The following BCL2L11 variants were observed in gnomAD, a reference collection of about 807,000 sequenced individuals.
BCL2L11 encodes bcl-2-like protein 11.
A neutral mutation model predicts 20.6 loss-of-function variants in BCL2L11; 15 were observed. The observed-to-expected ratio is 0.73, with a 90% CI of 0.49 to 1.12. BCL2L11 has a LOEUF of 1.12. BCL2L11 is among the 50% of genes most tolerant of loss of function. BCL2L11 has a pLI of 0.00. For missense variants in BCL2L11, 292 were observed against 260.9 expected, an observed-to-expected ratio of 1.12 and a Z score of -0.82; for synonymous variants, 108 against 92.8, an observed-to-expected ratio of 1.16 and a Z score of -0.94.
chr2:111,141,745 C>G (rs1408737266), intron 2 of BCL2L11, among the ~76,000 whole-genome samples: 4 of 149,742 alleles, frequency 2.7e-5, no homozygotes, highest in African/African-American at 9.9e-5. Context: ...GTCACCCAGG[C>G]TGGAGTGCAA....
chr2:111,147,657 C>T (rs1039653744), intron 2 of BCL2L11, among the ~76,000 whole-genome samples: 1 of 152,084 alleles, frequency 6.6e-6, no homozygotes, highest in African/African-American at 2.4e-5. Context: ...AGAGACTGCC[C>T]CTTGATAGTA....
chr2:111,164,359 C>A lies in BCL2L11; in HGVS notation c.*128C>A. ...GTTCTCTTGTGGAGGGGGCAGGTGA[C>A]GTTTCAGAAGACACCGAGCTGGATG... On this transcript the variant is annotated 3_prime_UTR_variant, in exon 4 of 4. Transcript: ENST00000393256. The A allele has an allele frequency of 1.4e-6, 1 of 697,708 alleles. No homozygotes were observed. The allele number at this position is 697,708 out of a possible 1,614,324, so 43.2% of individuals were successfully genotyped here. A position where few individuals can be genotyped will look rare whatever the true frequency, so the allele number is the denominator to read the frequency against.
chr2:111,127,754 G>T lies in BCL2L11; in HGVS notation c.394+3615G>T, dbSNP rs772452538. On this transcript the variant is annotated intron_variant, in intron 2 of 3. Coordinates refer to ENST00000393256, the MANE Select transcript of BCL2L11 (RefSeq NM_138621.5). ...AGGTCTAGCTCAGCACTACTCAGCAGGGAAGCCACACATGCATTAAGCACT... is the reference window on the plus strand; with the variant it reads ...AGGTCTAGCTCAGCACTACTCAGCATGGAAGCCACACATGCATTAAGCACT... 2.1e-3 allele frequency among the ~76,000 whole-genome samples: 326 copies of T among 152,230 alleles called. 4 individuals carry two copies. Among genetic ancestry groups the T allele is most frequent in the Non-Finnish European group, 1.5e-3 (100 of 68,026 alleles).
chr2:111,133,838 T>C (rs968320697), intron 2 of BCL2L11, among the ~76,000 whole-genome samples: 2 of 152,224 alleles, frequency 1.3e-5, no homozygotes, highest in Non-Finnish European at 2.9e-5. Flanking sequence ...AATCCCCAGC[T>C]GTTTCCTTTC....
intron 3 of BCL2L11, 176 bp downstream of exon 3, chr2:111,150,323 A>G (rs979952183): frequency 5.6e-5 from 74 of 1,313,306 alleles, no homozygotes; most frequent in Non-Finnish European, 7.3e-5. Context: ...TTTATGACTA[A>G]GTAATGGCAC....
intron 3 of BCL2L11, among the ~76,000 whole-genome samples, chr2:111,156,122 C>G (rs532362566): frequency 2.5e-4 from 38 of 151,260 alleles, no homozygotes; most frequent in Non-Finnish European, 4.4e-4. Flanking sequence ...TAAAGTTTAG[C>G]CTGCTTGGTA....
At chr2:111,138,345 C>T (rs572111786) in intron 2 of BCL2L11, among the ~76,000 whole-genome samples, 1 of 152,188 alleles carries the variant, frequency 6.6e-6, no homozygotes, top group Non-Finnish European at 1.5e-5. Context: ...TGTGTATGTA[C>T]ACAATTGTCA....
chr2:111,135,830 AGCTCACT>A (rs1175327485), intron 2 of BCL2L11, among the ~76,000 whole-genome samples: 7 of 152,148 alleles, frequency 4.6e-5, no homozygotes, highest in East Asian at 1.9e-4. Context: ...GTGGAGGCTT[AGCTCACT>A]GCTCACTGCT....
Position 111,164,788 on chromosome 2 carries a change from T to C in BCL2L11, c.*557T>C, listed in dbSNP as rs2078948071. On this transcript the variant is annotated 3_prime_UTR_variant, in exon 4 of 4. Coordinates refer to ENST00000393256, the MANE Select transcript of BCL2L11 (RefSeq NM_138621.5). The stretch of plus-strand genomic sequence containing the variant: ...TCCCTACTATTGCCTCTCTGACCTT[T>C]TTAAATTATTTTTAATACCAAAAGA... 6.5e-6 allele frequency: 1 copy of C among 152,780 alleles called. No individual in the cohort carries two copies. The highest frequency in any genetic ancestry group is 2.4e-5 in the African/African-American group (1 of 41,464). 9.5% of individuals were successfully genotyped at this position (152,780 alleles called of 1,614,324 possible).
rs917002962 is a variant in BCL2L11 at position 111,151,964 on chromosome 2, C to T, written c.498+1817C>T. ...GTAACCATTCCCTCCAGTTCCTCTG[C>T]CTTGGTTTACCTAAAGGGATTTTGG... is the stretch of plus-strand genomic sequence containing the variant. On this transcript the variant is annotated intron_variant, in intron 3 of 3. Coordinates refer to ENST00000393256, the MANE Select transcript of BCL2L11 (RefSeq NM_138621.5). The T allele has an allele frequency of 3.8e-6, 5 of 1,304,364 alleles. No homozygotes were observed. In the Admixed American group the frequency reaches 8.0e-5, roughly 21 times the overall value. 80.8% of individuals were successfully genotyped at this position (1,304,364 alleles called of 1,614,324 possible). A position where few individuals can be genotyped will look rare whatever the true frequency, so the allele number is the denominator to read the frequency against.
intron 3 of BCL2L11, 24 bp from the exon 4 acceptor site, chr2:111,164,106 TAAG>T: frequency 8.4e-6 from 5 of 592,264 alleles, no homozygotes; most frequent in Non-Finnish European, 1.3e-5. Flanking sequence ...AGGGAGAAAC[TAAG>T]AAGCTTTCCT....
Position 111,124,035 on chromosome 2 carries a change from T to C in BCL2L11, c.290T>C (p.Phe97Ser). The C allele has an allele frequency of 6.2e-7, 1 of 1,614,172 alleles. No individual in the cohort carries two copies. The highest frequency in any genetic ancestry group is 8.5e-7 in the Non-Finnish European group (1 of 1,180,028). The change falls in exon 2 of 4, where the codon TTC becomes TCC. Residue 97 changes from phenylalanine (F) to serine (S), a missense_variant. Phe to Ser is a radical substitution (Grantham distance 155). Transcript: ENST00000393256. Reference protein sequence around the residue: ...SLLSRSSSGYFSFDTDRSPAP... With the variant: ...SLLSRSSSGYSSFDTDRSPAP... ...CTGTCTCGATCCTCCAGTGGGTATT[T>C]CTCTTTTGACACAGACAGGAGCCCA...
At chr2:111,161,582 CGA>C in intron 3 of BCL2L11, 2 of 1,515,804 alleles carry the variant, frequency 1.3e-6, no homozygotes, top group Admixed American at 4.0e-5. Flanking sequence ...ATGTTAGATG[CGA>C]GGAACCACTC....
intron 2 of BCL2L11, chr2:111,128,514 C>T (rs1196310769): frequency 7.6e-7 from 1 of 1,308,182 alleles, no homozygotes; most frequent in Non-Finnish European, 9.8e-7. Flanking sequence ...TTTGGGGAAC[C>T]ATCATGCTGT....
At chr2:111,122,711 C>T (rs1437307029) in intron 1 of BCL2L11, 6 of 982,000 alleles carry the variant, frequency 6.1e-6, no homozygotes, top group Admixed American at 6.2e-5. Context: ...CGTGCGGAGC[C>T]CTCGGCTGCC....
At chr2:111,121,891 G>A (rs1427016417) in intron 1 of BCL2L11, among the ~76,000 whole-genome samples, 1 of 152,190 alleles carries the variant, frequency 6.6e-6, no homozygotes, top group African/African-American at 2.4e-5. Context: ...GTCGCGGCCG[G>A]CAGAACCTGC....
chr2:111,127,179 A>G (rs569643353), intron 2 of BCL2L11, among the ~76,000 whole-genome samples: 37 of 152,262 alleles, frequency 2.4e-4, no homozygotes, highest in African/African-American at 8.7e-4. Flanking sequence ...TTTTATCAAA[A>G]TCACTCACAT....
intron 3 of BCL2L11, chr2:111,152,008 G>C: frequency 1.1e-6 from 1 of 886,632 alleles, no homozygotes. Flanking sequence ...TGTGTGACTG[G>C]AAGTGGCTGT....
intron 1 of BCL2L11, chr2:111,122,813 C>G: frequency 2.0e-6 from 2 of 985,414 alleles, no homozygotes; most frequent in Non-Finnish European, 2.4e-6. Flanking sequence ...GTCTCCTGCG[C>G]TGCTTTCGTG....
Sources: allele counts gnomAD v4.1 joint callset (sites outside exome capture counted in the v4.1 genomes callset), GRCh38; gene constraint gnomAD v4.1.1; transcripts MANE v1.5; gene names NCBI Gene and HGNC (gene_info 2026-07-23, HGNC 2026-07-21).